SUCLG2: variants seen among roughly 807,000 people sequenced by gnomAD.
SUCLG2 encodes the protein succinate-CoA ligase GDP-forming subunit beta, also known as succinate--CoA ligase [GDP-forming] subunit beta, mitochondrial.
Under a neutral mutation model 47.9 loss-of-function variants are expected in SUCLG2, and 42 were observed. That is an observed-to-expected ratio of 0.88 (90% confidence interval 0.69 to 1.14). The LOEUF is 1.14. SUCLG2 is among the 50% of genes most tolerant of loss of function. SUCLG2 has a pLI of 0.00. For synonymous variants in SUCLG2, 195 were observed against 197.3 expected (o/e 0.99, Z 0.10); for missense variants, 571 against 525.9 (o/e 1.09, Z -0.84).
intron 2 of SUCLG2, among the ~76,000 whole-genome samples, chr3:67,530,917 C>A (rs1157547511): frequency 6.6e-6 from 1 of 152,210 alleles, no homozygotes; most frequent in African/African-American, 2.4e-5. Flanking sequence ...ATTTAGCTTA[C>A]TGCAAGAACA....
chr3:67,559,443 G>C (rs1474564067), intron 2 of SUCLG2, among the ~76,000 whole-genome samples: 1 of 152,130 alleles, frequency 6.6e-6, no homozygotes, highest in South Asian at 2.1e-4. Context: ...AGGAGAGAGA[G>C]ATAGCACAAG....
chr3:67,381,294 T>C (rs1305228725), intron 10 of SUCLG2, among the ~76,000 whole-genome samples: 1 of 152,194 alleles, frequency 6.6e-6, no homozygotes, highest in Admixed American at 6.5e-5. Context: ...AGAGGAAGCC[T>C]TGGAAATGAC....
chr3:67,432,572 C>T (rs1188463122), intron 9 of SUCLG2, among the ~76,000 whole-genome samples: 3 of 152,078 alleles, frequency 2.0e-5, no homozygotes, highest in Non-Finnish European at 4.4e-5. Context: ...TTTTTCTTTA[C>T]ACCTGGTAAA....
chr3:67,442,980 C>T (rs12488858), intron 9 of SUCLG2, among the ~76,000 whole-genome samples: 85,883 of 151,894 alleles, frequency 0.57, 24,725 homozygotes, highest in Non-Finnish European at 0.62. Flanking sequence ...CAACTAATCA[C>T]GGTATAAAAA....
At chr3:67,496,127 T>C (rs141745292) in intron 8 of SUCLG2, among the ~76,000 whole-genome samples, 187 bp from the exon 9 acceptor site, 1 of 152,156 alleles carries the variant, frequency 6.6e-6, no homozygotes, top group Non-Finnish European at 1.5e-5. Flanking sequence ...AGGACATGTA[T>C]ATGCAAACAA....
chr3:67,390,770 C>T (rs933886715), intron 10 of SUCLG2, among the ~76,000 whole-genome samples: 10 of 152,132 alleles, frequency 6.6e-5, no homozygotes, highest in African/African-American at 2.4e-4. Context: ...CAGCTCTATA[C>T]AGTCAGTGTA....
At chr3:67,578,689 T>A (rs1322022153) in intron 2 of SUCLG2, among the ~76,000 whole-genome samples, 1 of 152,148 alleles carries the variant, frequency 6.6e-6, no homozygotes. Flanking sequence ...TACGAACCAC[T>A]GTGTCTGGGA....
chr3:67,401,721 A>T (rs1702687939), intron 9 of SUCLG2, among the ~76,000 whole-genome samples: 1 of 152,210 alleles, frequency 6.6e-6, no homozygotes, highest in African/African-American at 2.4e-5. Context: ...ATGGCTGTTC[A>T]TGAAGCTGGA....
At chr3:67,572,694 G>A (rs1707645719) in intron 2 of SUCLG2, among the ~76,000 whole-genome samples, 1 of 152,206 alleles carries the variant, frequency 6.6e-6, no homozygotes, top group Middle Eastern at 3.4e-3. Context: ...AAACAGCCAG[G>A]AATATGACAA....
intron 9 of SUCLG2, among the ~76,000 whole-genome samples, chr3:67,472,832 T>C (rs1704637691): frequency 6.6e-6 from 1 of 152,116 alleles, no homozygotes; most frequent in African/African-American, 2.4e-5. Flanking sequence ...ATGATATACT[T>C]CAAATTCCAT....
At chr3:67,548,603 A>C (rs919281102) in intron 2 of SUCLG2, among the ~76,000 whole-genome samples, 2 of 152,204 alleles carry the variant, frequency 1.3e-5, no homozygotes, top group Non-Finnish European at 2.9e-5. Flanking sequence ...GAAATACCCA[A>C]ATCTCATGTG....
chr3:67,375,974 A>G (rs533481816), intron 10 of SUCLG2, 115 bp from the exon 11 acceptor site: 1 of 1,441,992 alleles, frequency 6.9e-7, no homozygotes, highest in South Asian at 1.6e-5. Flanking sequence ...GAAATGAATT[A>G]AATATAGGTT....
intron 1 of SUCLG2, among the ~76,000 whole-genome samples, chr3:67,633,757 C>T (rs1023086493): frequency 1.3e-5 from 2 of 152,182 alleles, no homozygotes; most frequent in Middle Eastern, 3.4e-3. Context: ...CTATGAAGGG[C>T]CCTCAGAGGA....
chr3:67,594,726 C>G (rs764221767), intron 2 of SUCLG2, among the ~76,000 whole-genome samples: 1 of 152,158 alleles, frequency 6.6e-6, no homozygotes, highest in Non-Finnish European at 1.5e-5. Context: ...ATCCCTTAGC[C>G]TGGTACCTTC....
At chr3:67,647,175 C>T (rs945408126) in intron 1 of SUCLG2, among the ~76,000 whole-genome samples, 1 of 152,186 alleles carries the variant, frequency 6.6e-6, no homozygotes, top group Admixed American at 6.5e-5. Flanking sequence ...CCCCCCACTC[C>T]AACCCACAGG....
rs549676091 is a variant in SUCLG2 at position 67,550,432 on chromosome 3, C to T, written c.227-21246G>A. 5.9e-5 allele frequency among the ~76,000 whole-genome samples: 9 copies of T among 152,192 alleles called. No homozygotes were observed. The East Asian group carries it at 9.7e-4, about 16-fold the overall frequency. ...ATGGCTCACTGCAGCCTCGAACTCC[C>T]GGGTTCAAGTGATCCTCCCTCAGCC... On this transcript the variant is annotated intron_variant, in intron 2 of 10. Transcript: ENST00000307227.
At chr3:67,405,583 C>T (rs1702785071) in intron 9 of SUCLG2, among the ~76,000 whole-genome samples, 2 of 152,152 alleles carry the variant, frequency 1.3e-5, no homozygotes, top group African/African-American at 2.4e-5. Flanking sequence ...CCAAGACCTC[C>T]AATGGCAAGT....
At chr3:67,409,152 T>C in intron 9 of SUCLG2, 1 of 1,198,960 alleles carries the variant, frequency 8.3e-7, no homozygotes, top group Non-Finnish European at 1.1e-6. Flanking sequence ...CCAGAGCTCA[T>C]GGTTTTGGCA....
intron 2 of SUCLG2, among the ~76,000 whole-genome samples, chr3:67,566,245 T>C (rs2107226630): frequency 6.6e-6 from 1 of 152,294 alleles, no homozygotes; most frequent in East Asian, 1.9e-4. Context: ...AGGTTGCAAA[T>C]TTGCAGTGGT....
Sources: allele counts gnomAD v4.1 joint callset (sites outside exome capture counted in the v4.1 genomes callset), GRCh38; gene constraint gnomAD v4.1.1; transcripts MANE v1.5; gene names NCBI Gene and HGNC (gene_info 2026-07-23, HGNC 2026-07-21).